The following LPIN3 variants were observed in gnomAD, a reference collection of about 807,000 sequenced individuals.
LPIN3 encodes the protein phosphatidate phosphatase LPIN3.
LPIN3 carries 82 observed loss-of-function variants against 94.7 expected under a neutral mutation model. That is an observed-to-expected ratio of 0.87 (90% confidence interval 0.72 to 1.04). LPIN3 has a LOEUF of 1.04. LPIN3 is among the 50% of genes least tolerant of loss of function. LPIN3 has a pLI of 0.00. For missense variants in LPIN3, 996 were observed against 1,090.5 expected (o/e 0.91, Z 1.22); for synonymous variants, 418 against 443.3 (o/e 0.94, Z 0.72).
intron 13 of LPIN3, 82 bp from the exon 14 acceptor site, chr20:41,355,814 G>A (rs978291546): frequency 1.3e-5 from 20 of 1,559,758 alleles, no homozygotes; most frequent in Middle Eastern, 1.7e-4. Context: ...GGCGGGGACA[G>A]GTCCAGCCTC....
Position 41,352,998 on chromosome 20 carries a change from TCA to T in LPIN3, c.1527+133_1527+134del, listed in dbSNP as rs2046082931. On this transcript the variant is annotated intron_variant, in intron 11 of 19. Transcript: ENST00000373257. ...GCCAGGGGCTAGCTGGCTGCAAGACTCACTCTGGGAGAGGCGACACACGTCCC... is the reference window on the plus strand; with the variant it reads ...GCCAGGGGCTAGCTGGCTGCAAGACTCTCTGGGAGAGGCGACACACGTCCC... 7.9e-6 allele frequency: 8 copies of T among 1,009,602 alleles called. No individual in the cohort carries two copies. In the East Asian group the frequency reaches 2.0e-4, roughly 25 times the overall value. 62.5% of individuals were successfully genotyped at this position (1,009,602 alleles called of 1,614,324 possible).
At position 41,360,440 on chromosome 20, in the gene LPIN3, G is replaced by A. The variant is rs921903202; in HGVS notation, c.*1574G>A. ...ACCAGAGGGCCCTGGAAACATCTTA[G>A]GGGAAGGAAAGGAAAAGGATAAATT... On this transcript the variant is annotated 3_prime_UTR_variant, in exon 20 of 20. Transcript: ENST00000373257. 1 of 152,598 alleles carries A rather than the reference G, an allele frequency of 6.6e-6. No homozygotes were observed. Among genetic ancestry groups the A allele is most frequent in the African/African-American group, 2.4e-5 (1 of 41,456 alleles). The allele number at this position is 152,598 out of a possible 1,614,324, so 9.5% of individuals were successfully genotyped here.
Position 41,359,022 on chromosome 20 carries a change from C to T in LPIN3, c.*156C>T. 1.2e-6 allele frequency: 1 copy of T among 857,796 alleles called. No homozygotes were observed. The highest frequency in any genetic ancestry group is 1.8e-5 in the South Asian group (1 of 56,148). The allele number at this position is 857,796 out of a possible 1,614,324, so 53.1% of individuals were successfully genotyped here. ...TTGGCAGCTAGAGAGACTCCCCCAT[C>T]TTCCCCGTCATATTTTTGCCAGCTA... On this transcript the variant is annotated 3_prime_UTR_variant, in exon 20 of 20. Transcript: ENST00000373257.
Position 41,346,735 on chromosome 20 carries a change from C to T in LPIN3, c.192+740C>T, listed in dbSNP as rs567824857. On this transcript the variant is annotated intron_variant, in intron 2 of 19. Coordinates refer to ENST00000373257, the MANE Select transcript of LPIN3 (RefSeq NM_022896.3). ...TAGCCTGGGCGACAAGAGCGAAACTCCGTCTCAAAAAATAAATAAATAAAT... is the reference window on the plus strand; with the variant it reads ...TAGCCTGGGCGACAAGAGCGAAACTTCGTCTCAAAAAATAAATAAATAAAT... Among the ~76,000 whole-genome samples, 21 of 152,226 alleles carry T rather than the reference C, an allele frequency of 1.4e-4. 1 individual carries two copies. The South Asian group carries it at 4.1e-3, about 30-fold the overall frequency.
intron 5 of LPIN3, 58 bp from the exon 6 acceptor site, chr20:41,349,716 G>T: frequency 6.4e-7 from 1 of 1,561,108 alleles, no homozygotes; most frequent in Non-Finnish European, 8.7e-7. Context: ...CCTGGCTGGG[G>T]TGGGCAGCAG....
chr20:41,353,443 G>C (rs2046097695), intron 11 of LPIN3, among the ~76,000 whole-genome samples: 13 of 152,236 alleles, frequency 8.5e-5, no homozygotes, highest in Admixed American at 8.5e-4. Context: ...TCAGTCCTGA[G>C]CACTGGGAAG....
intron 1 of LPIN3, among the ~76,000 whole-genome samples, chr20:41,341,665 C>T (rs371811390): frequency 3.9e-5 from 6 of 152,216 alleles, no homozygotes; most frequent in Non-Finnish European, 7.3e-5. Flanking sequence ...CACCATTGTG[C>T]ATGGCCTTGA....
intron 11 of LPIN3, 111 bp from the exon 12 acceptor site, chr20:41,354,534 C>T: frequency 2.9e-6 from 3 of 1,022,912 alleles, no homozygotes; most frequent in South Asian, 3.9e-5. Context: ...AGCACCTTAC[C>T]CTAGGGTTGG....
At chr20:41,354,564 C>A in intron 11 of LPIN3, 81 bp from the exon 12 acceptor site, 2 of 1,374,096 alleles carry the variant, frequency 1.5e-6, no homozygotes, top group Non-Finnish European at 2.0e-6. Context: ...TGGGCTCATG[C>A]GTGGAGGGTC....
chr20:41,341,396 G>A (rs2045573680), intron 1 of LPIN3, among the ~76,000 whole-genome samples: 1 of 152,148 alleles, frequency 6.6e-6, no homozygotes, highest in African/African-American at 2.4e-5. Context: ...GTAGCTGCTG[G>A]GGGCTGGGGT....
rs2046323941 is a variant in LPIN3, at chr20:41,359,346, G to C, written c.*480G>C. On this transcript the variant is annotated 3_prime_UTR_variant, in exon 20 of 20. Coordinates refer to ENST00000373257, the MANE Select transcript of LPIN3 (RefSeq NM_022896.3). Reference sequence around the variant, plus strand: ...AGATGGGTTTTCACCACATTGGCCAGGCTGGTCTCGAACTCCTGACCTCAA... The same window carrying C: ...AGATGGGTTTTCACCACATTGGCCACGCTGGTCTCGAACTCCTGACCTCAA... 1 of 152,044 alleles carries C rather than the reference G, an allele frequency of 6.6e-6. No individual in the cohort carries two copies. Among genetic ancestry groups the C allele is most frequent in the African/African-American group, 2.4e-5 (1 of 41,342 alleles). 9.4% of individuals were successfully genotyped at this position (152,044 alleles called of 1,614,324 possible). A position where few individuals can be genotyped will look rare whatever the true frequency, so the allele number is the denominator to read the frequency against.
chr20:41,358,911 G>C lies in LPIN3; in HGVS notation c.*45G>C. ...TCCTCCCTGGCCCGGCCCAGGACTG[G>C]CTAGGTGTCCTGGGGTATAGGAGGG... On this transcript the variant is annotated 3_prime_UTR_variant, in exon 20 of 20. Transcript: ENST00000373257. 6.2e-7 allele frequency: 1 copy of C among 1,607,366 alleles called. No homozygotes were observed. Among genetic ancestry groups the C allele is most frequent in the East Asian group, 2.2e-5 (1 of 44,812 alleles).
At chr20:41,348,015 G>C (rs1248345644) in intron 3 of LPIN3, among the ~76,000 whole-genome samples, 2 of 152,222 alleles carry the variant, frequency 1.3e-5, no homozygotes, top group Non-Finnish European at 2.9e-5. Flanking sequence ...TCCTGGGTCT[G>C]GTGCCAGCTC....
At chr20:41,345,341 A>G (rs1394611081) in intron 1 of LPIN3, among the ~76,000 whole-genome samples, 2 of 152,102 alleles carry the variant, frequency 1.3e-5, no homozygotes. Flanking sequence ...CATAGTTATG[A>G]GGCTCTGGGC....
At chr20:41,357,487 C>A in intron 16 of LPIN3, 40 bp downstream of exon 16, 1 of 1,543,626 alleles carries the variant, frequency 6.5e-7, no homozygotes, top group South Asian at 1.1e-5. Context: ...GGCGAGGCCC[C>A]CAGCTCTAGA....
chr20:41,356,930 G>A, intron 14 of LPIN3, 110 bp from the exon 15 acceptor site: 1 of 1,266,104 alleles, frequency 7.9e-7, no homozygotes, highest in Non-Finnish European at 1.1e-6. Flanking sequence ...GAGCTGGGAG[G>A]AAGAGGAGAA....
intron 11 of LPIN3, among the ~76,000 whole-genome samples, chr20:41,353,283 G>T (rs1281090130): frequency 6.6e-6 from 1 of 152,166 alleles, no homozygotes; most frequent in Non-Finnish European, 1.5e-5. Flanking sequence ...TGGGCTGAAG[G>T]GTGCTTACTT....
In LPIN3 at chr20:41,355,958, T is replaced by G. The variant is rs1177745517; in HGVS notation, c.1727T>G (p.Ile576Ser). 2 of 1,613,968 alleles carry G rather than the reference T, an allele frequency of 1.2e-6. No homozygotes were observed. The highest frequency in any genetic ancestry group is 2.2e-5 in the South Asian group (2 of 91,068). ...CCAGACAGCCCTGTGATCCTGGAGA[T>G]CCCCTCCTTGCCACCCTCCACTCCA... ...DAPDSPVILE[I>S]PSLPPSTPPS... Residue 576 changes from isoleucine (I) to serine (S), a missense_variant, in exon 14 of 20, where the codon ATC (isoleucine) becomes AGC (serine). Physicochemically the swap from Ile to Ser is moderately radical, Grantham distance 142. Transcript: ENST00000373257.
intron 16 of LPIN3, 99 bp from the exon 17 acceptor site, chr20:41,357,783 C>A: frequency 6.7e-7 from 1 of 1,489,692 alleles, no homozygotes; most frequent in South Asian, 1.2e-5. Flanking sequence ...GTTGGAACAT[C>A]AGAGTCCCAC....
Sources: allele counts gnomAD v4.1 joint callset (sites outside exome capture counted in the v4.1 genomes callset), GRCh38; gene constraint gnomAD v4.1.1; transcripts MANE v1.5; gene names NCBI Gene and HGNC (gene_info 2026-07-23, HGNC 2026-07-21).